The following ZDHHC13 variants were observed in gnomAD, a reference collection of about 807,000 sequenced individuals.
The protein encoded by ZDHHC13 is palmitoyltransferase ZDHHC13.
In ZDHHC13, 85 loss-of-function variants were observed where a neutral mutation model predicts 86.0. The observed-to-expected ratio is 0.99, with a 90% CI of 0.83 to 1.18. The LOEUF is 1.18. ZDHHC13 is among the 50% of genes most tolerant of loss of function. The pLI is 0.00. For synonymous variants in ZDHHC13, 263 were observed against 246.4 expected (o/e 1.07, Z -0.63); for missense variants, 711 against 730.2 (o/e 0.97, Z 0.30).
At chr11:19,123,146 A>C (rs937133826) in intron 1 of ZDHHC13, among the ~76,000 whole-genome samples, 10 of 152,254 alleles carry the variant, frequency 6.6e-5, no homozygotes, top group African/African-American at 2.4e-4. Context: ...ATAAATACAC[A>C]GTAATTAATT....
intron 6 of ZDHHC13, among the ~76,000 whole-genome samples, chr11:19,151,225 TATC>T (rs373095825): frequency 5.3e-4 from 81 of 152,212 alleles, no homozygotes; most frequent in South Asian, 4.8e-3. Flanking sequence ...ACTTTGAAAA[TATC>T]ATTAACTGAA....
intron 1 of ZDHHC13, among the ~76,000 whole-genome samples, chr11:19,129,875 G>T (rs561668299): frequency 1.3e-5 from 2 of 150,068 alleles, no homozygotes; most frequent in Non-Finnish European, 2.9e-5. Flanking sequence ...GGTGGATCAT[G>T]AGGTCAGGAG....
At chr11:19,128,400 A>T (rs1755467576) in intron 1 of ZDHHC13, among the ~76,000 whole-genome samples, 2 of 152,158 alleles carry the variant, frequency 1.3e-5, no homozygotes, top group Non-Finnish European at 1.5e-5. Flanking sequence ...GCAAACAGCG[A>T]TAGTTTGACT....
At position 19,172,813 on chromosome 11, in the gene ZDHHC13, C is replaced by G; in HGVS notation, c.1723C>G (p.Pro575Ala). Residue 575 changes from proline to alanine, a missense_variant, in exon 16 of 17, where the codon CCA becomes GCA. By Grantham distance (27) the Pro-to-Ala change is conservative. Coordinates refer to ENST00000446113, the MANE Select transcript of ZDHHC13 (RefSeq NM_019028.3). The part of the protein sequence containing the change: ...MKQTLSLRKT[P>A]YNLGFMQNLA... The stretch of plus-strand genomic sequence containing the variant: ...ACAGACGTTGTCCCTCAGGAAGACA[C>G]CATACAAGTAAGCGAGACCTGTTTT... 6.3e-7 allele frequency: 1 copy of G among 1,599,256 alleles called. No individual in the cohort carries two copies. Among genetic ancestry groups the G allele is most frequent in the Non-Finnish European group, 8.5e-7 (1 of 1,173,100 alleles).
At chr11:19,122,513 A>G (rs1012455490) in intron 1 of ZDHHC13, among the ~76,000 whole-genome samples, 1 of 152,152 alleles carries the variant, frequency 6.6e-6, no homozygotes. Context: ...ATTTAACAAT[A>G]TAATTTGAAA....
At chr11:19,173,245 A>G (rs1206838456) in intron 16 of ZDHHC13, among the ~76,000 whole-genome samples, 6 of 152,172 alleles carry the variant, frequency 3.9e-5, no homozygotes, top group African/African-American at 7.2e-5. Flanking sequence ...TATCACCACT[A>G]ATTCTTCTAG....
At chr11:19,127,541 T>TG (rs1406610339) in intron 1 of ZDHHC13, among the ~76,000 whole-genome samples, 7 of 152,208 alleles carry the variant, frequency 4.6e-5, no homozygotes, top group Non-Finnish European at 8.8e-5. Context: ...ATATCCAGGA[T>TG]GGTATGTCCT....
chr11:19,167,348 A>G lies in ZDHHC13; in HGVS notation c.1474+963A>G, dbSNP rs183069619. Reference sequence around the variant, plus strand: ...ATTTTCCCCTTAGCATCATAAGCCCAATACACATACACATTTTTCCTCTCT... The same window carrying G: ...ATTTTCCCCTTAGCATCATAAGCCCGATACACATACACATTTTTCCTCTCT... On this transcript the variant is annotated intron_variant, in intron 14 of 16. Transcript: ENST00000446113. The G allele has an allele frequency of 3.3e-5, 5 of 152,320 alleles. No individual in the cohort carries two copies. The East Asian group carries it at 9.6e-4, about 29-fold the overall frequency. 9.4% of individuals were successfully genotyped at this position (152,320 alleles called of 1,614,324 possible).
chr11:19,127,463 A>T (rs537829234), intron 1 of ZDHHC13, among the ~76,000 whole-genome samples: 1 of 152,202 alleles, frequency 6.6e-6, no homozygotes, highest in African/African-American at 2.4e-5. Flanking sequence ...ATTAGATCCC[A>T]CTTATCAATT....
At position 19,117,344 on chromosome 11, in the gene ZDHHC13, G is replaced by C. The variant is rs1766353618; in HGVS notation, c.27+68G>C. 2 of 1,401,628 alleles carry C rather than the reference G, an allele frequency of 1.4e-6. No homozygotes were observed. The highest frequency in any genetic ancestry group is 1.9e-6 in the Non-Finnish European group (2 of 1,075,212). 86.8% of individuals were successfully genotyped at this position (1,401,628 alleles called of 1,614,324 possible). A position where few individuals can be genotyped will look rare whatever the true frequency, so the allele number is the denominator to read the frequency against. On this transcript the variant is annotated intron_variant, in intron 1 of 16. Coordinates refer to ENST00000446113, the MANE Select transcript of ZDHHC13 (RefSeq NM_019028.3). The surrounding 1 kb of genome is among the most constrained non-coding windows in gnomAD (Gnocchi z 4.2). ...CGGCTGCAGCTGTGGAGGAAAGGAT[G>C]GTGTGGGTGAGAGGCCGCTCGATGA...
At chr11:19,147,810 A>T (rs1401185502) in intron 4 of ZDHHC13, 137 bp downstream of exon 4, 3 of 548,850 alleles carry the variant, frequency 5.5e-6, no homozygotes, top group Admixed American at 7.9e-5. Context: ...TTTCAGCTTT[A>T]AAGAGTTTGC....
At chr11:19,121,262 G>A (rs1359929078) in intron 1 of ZDHHC13, among the ~76,000 whole-genome samples, 2 of 152,162 alleles carry the variant, frequency 1.3e-5, no homozygotes, top group South Asian at 4.1e-4. Context: ...GTCATGATAC[G>A]ATCTTGTTTG....
intron 3 of ZDHHC13, among the ~76,000 whole-genome samples, chr11:19,146,678 A>T (rs1849477034): frequency 6.6e-6 from 1 of 152,218 alleles, no homozygotes; most frequent in Admixed American, 6.5e-5. Flanking sequence ...GATAGGTAGG[A>T]GATTTAACCT....
chr11:19,123,558 G>T (rs1364191450), intron 1 of ZDHHC13, among the ~76,000 whole-genome samples: 1 of 152,106 alleles, frequency 6.6e-6, no homozygotes, highest in Non-Finnish European at 1.5e-5. Flanking sequence ...TCAGGTGGTA[G>T]AATCACTTGA....
chr11:19,161,182 A>T (rs1269374941), intron 10 of ZDHHC13, among the ~76,000 whole-genome samples: 1 of 152,036 alleles, frequency 6.6e-6, no homozygotes, highest in Non-Finnish European at 1.5e-5. Context: ...GAATAAGGGC[A>T]TCTGCTTCCG....
At chr11:19,172,904 C>A in intron 16 of ZDHHC13, 84 bp downstream of exon 16, 1 of 1,242,652 alleles carries the variant, frequency 8.0e-7, no homozygotes, top group Non-Finnish European at 1.1e-6. Context: ...TACCCATGGC[C>A]ATGCTGCTGT....
rs1458433078 is a variant in ZDHHC13, at chr11:19,128,812, G to A, written c.27+11536G>A. ...AAGCAAGATGAGATTAAAAAATAAT[G>A]TCAGTTTTCATTTATAGCAATTTTC... On this transcript the variant is annotated intron_variant, in intron 1 of 16. Transcript: ENST00000446113. Among the ~76,000 whole-genome samples the A allele has an allele frequency of 3.9e-5, 6 of 152,250 alleles. No individual in the cohort carries two copies. In the East Asian group the frequency reaches 1.2e-3, roughly 29 times the overall value.
Position 19,142,986 on chromosome 11 carries a change from T to C in ZDHHC13, c.36T>C (p.Asn12=). 4 of 1,608,168 alleles carry C rather than the reference T, an allele frequency of 2.5e-6. No homozygotes were observed. Among genetic ancestry groups the C allele is most frequent in the Non-Finnish European group, 3.4e-6 (4 of 1,176,806 alleles). The change falls in exon 2 of 17, where the codon AAT becomes AAC. Residue 12 remains asparagine (N), a synonymous_variant. Coordinates refer to ENST00000446113, the MANE Select transcript of ZDHHC13 (RefSeq NM_019028.3). ...EGPGLGSQCR[N]HSHGPHPPGF... is the part of the protein sequence containing the mutation. ...TGACTCTTACTCTTCAGTGCAGGAA[T>C]CACAGCCATGGCCCCCACCCTCCAG...
chr11:19,121,905 G>C (rs1323676993), intron 1 of ZDHHC13, among the ~76,000 whole-genome samples: 1 of 152,118 alleles, frequency 6.6e-6, no homozygotes, highest in African/African-American at 2.4e-5. Context: ...GGCAGTACCA[G>C]GAATTTGGTT....
Sources: gnomAD v4.1 joint callset for allele counts (sites outside exome capture counted in the v4.1 genomes callset) on GRCh38, gnomAD v4.1.1 for gene constraint, Gnocchi (gnomAD v3.1) non-coding constraint, MANE v1.5 for transcripts, NCBI Gene and HGNC (gene_info 2026-07-23, HGNC 2026-07-21) for gene names.